RGR: variants seen among roughly 807,000 people sequenced by gnomAD.
RGR encodes the protein retinal G protein coupled receptor.
In RGR, 30 loss-of-function variants were observed where a neutral mutation model predicts 28.6. That is an observed-to-expected ratio of 1.05 (90% CI 0.78 to 1.42). RGR has a LOEUF of 1.42. Among genes scored for constraint, RGR ranks in the 40% most tolerant of loss-of-function variants. The probability of loss-of-function intolerance (pLI) is 0.00; values close to 1 mark genes in which losing one functional copy is unlikely to be tolerated. For synonymous variants in RGR, 180 were observed against 156.4 expected (o/e 1.15, Z -1.13); for missense variants, 404 against 375.6 (o/e 1.08, Z -0.62).
intron 1 of RGR, among the ~76,000 whole-genome samples, chr10:84,245,768 A>G (rs1842739742): frequency 6.6e-6 from 1 of 152,164 alleles, no homozygotes; most frequent in South Asian, 2.1e-4. Flanking sequence ...GTCTACTCCT[A>G]TGAGCCCAAG....
chr10:84,254,251 A>C, intron 4 of RGR, 75 bp from the exon 5 acceptor site: 1 of 1,226,082 alleles, frequency 8.2e-7, no homozygotes. Context: ...CATCTAGGGC[A>C]GAGCTGGTGG....
chr10:84,247,509 T>G, intron 1 of RGR, 82 bp from the exon 2 acceptor site: 1 of 1,505,834 alleles, frequency 6.6e-7, no homozygotes, highest in Non-Finnish European at 9.2e-7. Flanking sequence ...AGGTTGCTGA[T>G]GTTCCATCCA....
chr10:84,256,731 A>T (rs1842892580), intron 5 of RGR, among the ~76,000 whole-genome samples: 1 of 152,080 alleles, frequency 6.6e-6, no homozygotes, highest in South Asian at 2.1e-4. Context: ...CCCTGTCTGG[A>T]GGTGCAAAGT....
chr10:84,255,063 C>T (rs1183305457), intron 5 of RGR: 1 of 160,228 alleles, frequency 6.2e-6, no homozygotes, highest in African/African-American at 2.4e-5. Flanking sequence ...TCTACTCATT[C>T]CGCCCTTTAA....
At chr10:84,248,281 A>C (rs1842772776) in intron 2 of RGR, 1 of 891,636 alleles carries the variant, frequency 1.1e-6, no homozygotes, top group African/African-American at 1.8e-5. Context: ...AGGGGCAGTC[A>C]TAACTAGCTA....
chr10:84,250,313 C>A, intron 3 of RGR: 1 of 715,438 alleles, frequency 1.4e-6, no homozygotes, highest in South Asian at 1.5e-5. Flanking sequence ...TTGCCATAGT[C>A]ACATGTATAG....
At chr10:84,247,827 G>C in intron 2 of RGR, 80 bp downstream of exon 2, 1 of 1,605,462 alleles carries the variant, frequency 6.2e-7, no homozygotes, top group South Asian at 1.1e-5. Context: ...GCCAGGCCAA[G>C]GGCATTTTTA....
intron 1 of RGR, among the ~76,000 whole-genome samples, chr10:84,245,801 T>C (rs542763790): frequency 1.1e-4 from 16 of 152,236 alleles, no homozygotes; most frequent in South Asian, 2.1e-4. Flanking sequence ...GGAGGCAACC[T>C]GGGTCTGCGA....
intron 2 of RGR, 121 bp downstream of exon 2, chr10:84,247,868 G>A (rs567618037): frequency 6.3e-6 from 9 of 1,419,434 alleles, no homozygotes; most frequent in Non-Finnish European, 8.8e-6. Context: ...AAGGGCAGAG[G>A]GTGGGCAGGC....
chr10:84,251,639 G>C (rs1020005194), intron 3 of RGR, among the ~76,000 whole-genome samples: 1 of 152,138 alleles, frequency 6.6e-6, no homozygotes, highest in Non-Finnish European at 1.5e-5. Context: ...CCGCCTTCTG[G>C]GTTCAAGCAA....
intron 1 of RGR, among the ~76,000 whole-genome samples, chr10:84,247,093 C>G (rs965416161): frequency 6.6e-6 from 1 of 152,174 alleles, no homozygotes; most frequent in South Asian, 2.1e-4. Flanking sequence ...AATTCAAGGT[C>G]GGGTCTCTCT....
At chr10:84,246,757 T>C (rs148509413) in intron 1 of RGR, among the ~76,000 whole-genome samples, 3,438 of 152,330 alleles carry the variant, frequency 0.023, 68 homozygotes, top group Non-Finnish European at 0.032. Flanking sequence ...GGAATCTCTA[T>C]ACTGTTTTCC....
In RGR at chr10:84,249,337, C is replaced by T. The variant is rs149217531; in HGVS notation, c.358+294C>T. On this transcript the variant is annotated intron_variant, in intron 3 of 6. Transcript: ENST00000652092. Reference sequence around the variant, plus strand: ...AATGATTTTCTTTTTCTTTTTGAGACGGAATCGCTCTATTGCCCAGGCTGG... The same window carrying T: ...AATGATTTTCTTTTTCTTTTTGAGATGGAATCGCTCTATTGCCCAGGCTGG... Among the ~76,000 whole-genome samples the T allele has an allele frequency of 4.4e-3, 668 of 152,218 alleles. 4 individuals carry two copies. The highest frequency in any genetic ancestry group is 0.015 in the African/African-American group (619 of 41,542).
At position 84,253,013 on chromosome 10, in the gene RGR, G is replaced by A. The variant is rs780748158; in HGVS notation, c.512+3G>A. ...CTGGACTACTCCAAGGGGGACAGGT[G>A]AGGTGGGAGGAGCAGCTTCGAGGCT... On this transcript the variant is annotated splice_donor_region_variant and intron_variant, in intron 4 of 6. Transcript: ENST00000652092. 11 of 1,612,674 alleles carry A rather than the reference G, an allele frequency of 6.8e-6. No homozygotes were observed. In the African/African-American group the frequency reaches 1.2e-4, roughly 18 times the overall value.
chr10:84,247,462 G>A, intron 1 of RGR, 129 bp from the exon 2 acceptor site: 1 of 1,114,392 alleles, frequency 9.0e-7, no homozygotes, highest in South Asian at 1.2e-5. Context: ...CATGAAGCAT[G>A]CTACCCTATA....
chr10:84,251,520 AAGAG>A (rs1237673352), intron 3 of RGR, among the ~76,000 whole-genome samples: 1 of 152,200 alleles, frequency 6.6e-6, no homozygotes, highest in African/African-American at 2.4e-5. Context: ...CTCACATTAA[AAGAG>A]AGAGATTGTC....
chr10:84,250,262 C>T (rs997110922), intron 3 of RGR: 8 of 694,824 alleles, frequency 1.2e-5, no homozygotes, highest in Non-Finnish European at 2.2e-5. Flanking sequence ...AGCACAGCCT[C>T]AAACCATGGC....
At chr10:84,255,429 C>CT in intron 5 of RGR, 1 of 152,332 alleles carries the variant, frequency 6.6e-6, no homozygotes, top group South Asian at 2.1e-4. Context: ...TTAAATGCTA[C>CT]TTTTAAACCG....
At position 84,248,977 on chromosome 10, in the gene RGR, A is replaced by G. The variant is rs1842781972; in HGVS notation, c.292A>G (p.Thr98Ala). Residue 98 changes from threonine to alanine, a missense_variant, in exon 3 of 7, where the codon ACA becomes GCA. Thr to Ala is a moderately conservative substitution (Grantham distance 58). Coordinates refer to ENST00000652092, the MANE Select transcript of RGR (RefSeq NM_001012720.2). The part of the protein sequence containing the change: ...CQAHGFQGFV[T>A]ALASICSSAA... ...GGCTCACGGCTTCCAGGGCTTTGTG[A>G]CAGCGTTGGCCAGCATCTGCAGCAG... 1 of 1,613,914 alleles carries G rather than the reference A, an allele frequency of 6.2e-7. No homozygotes were observed. The highest frequency in any genetic ancestry group is 1.3e-5 in the African/African-American group (1 of 74,892).
Sources: allele counts gnomAD v4.1 joint callset (sites outside exome capture counted in the v4.1 genomes callset), GRCh38; gene constraint gnomAD v4.1.1; transcripts MANE v1.5; gene names NCBI Gene and HGNC (gene_info 2026-07-23, HGNC 2026-07-21).